Variants in VTA1 observed in about 807,000 individuals in gnomAD.
VTA1 encodes vesicle trafficking 1.
Under a neutral mutation model 36.9 loss-of-function variants are expected in VTA1, and 24 were observed. That is an observed-to-expected ratio of 0.65 (90% CI 0.47 to 0.91). The LOEUF (loss-of-function observed/expected upper bound fraction) is 0.91. VTA1 is among the 40% of genes least tolerant of loss of function. VTA1 has a pLI of 0.00. For missense variants in VTA1, 393 were observed against 377.2 expected (o/e 1.04, Z -0.35); for synonymous variants, 142 against 130.2 (o/e 1.09, Z -0.62).
intron 7 of VTA1, among the ~76,000 whole-genome samples, chr6:142,207,603 C>T (rs766527647): frequency 3.7e-4 from 56 of 151,924 alleles, no homozygotes; most frequent in Admixed American, 1.4e-3. Context: ...TATGGCGCCA[C>T]CTAGAGCTGA....
intron 7 of VTA1, among the ~76,000 whole-genome samples, chr6:142,209,386 A>G (rs554776964): frequency 2.5e-4 from 37 of 150,972 alleles, no homozygotes; most frequent in African/African-American, 8.5e-4. Flanking sequence ...TATATACACT[A>G]TGTGTATATA....
At chr6:142,187,362 AC>A (rs1775359527) in intron 4 of VTA1, among the ~76,000 whole-genome samples, 1 of 152,208 alleles carries the variant, frequency 6.6e-6, no homozygotes, top group Non-Finnish European at 1.5e-5. Flanking sequence ...GTAAGATGAT[AC>A]CTAAAAAGTG....
intron 2 of VTA1, among the ~76,000 whole-genome samples, chr6:142,167,183 G>A (rs1440063569): frequency 6.6e-6 from 1 of 152,146 alleles, no homozygotes; most frequent in East Asian, 1.9e-4. Flanking sequence ...CTAATATAAC[G>A]TCACAGATCA....
chr6:142,178,991 A>G (rs904761163), intron 4 of VTA1, among the ~76,000 whole-genome samples: 7 of 152,134 alleles, frequency 4.6e-5, no homozygotes, highest in African/African-American at 1.7e-4. Context: ...TACTAGAAAT[A>G]AAAGGGGCCA....
In VTA1 at chr6:142,221,336, C is replaced by G. The variant is rs1412370872; in HGVS notation, c.*2693C>G. On this transcript the variant is annotated 3_prime_UTR_variant, in exon 8 of 8. Transcript: ENST00000367630. ...ATTTCAATAGAATAGCCAGGATAGA[C>G]CTCCCTGAGGTAACATTTGAGCAAA... The G allele has an allele frequency of 6.6e-6, 1 of 152,036 alleles. No individual in the cohort carries two copies. The highest frequency in any genetic ancestry group is 1.9e-4 in the East Asian group (1 of 5,188). The allele number at this position is 152,036 out of a possible 1,614,324, so 9.4% of individuals were successfully genotyped here.
chr6:142,200,952 A>G (rs192855427), intron 6 of VTA1, among the ~76,000 whole-genome samples: 21 of 152,084 alleles, frequency 1.4e-4, no homozygotes, highest in African/African-American at 3.4e-4. Flanking sequence ...TTAACTTACA[A>G]ACTCTCAAGA....
Position 142,218,684 on chromosome 6 carries a change from A to C in VTA1, c.*41A>C, listed in dbSNP as rs375644010. On this transcript the variant is annotated 3_prime_UTR_variant, in exon 8 of 8. Transcript: ENST00000367630. ...GACCCATGTATTTTTGGCATGAGGAACTAACAGTCCATTACTCTATCTTCA... is the reference window on the plus strand; with the variant it reads ...GACCCATGTATTTTTGGCATGAGGACCTAACAGTCCATTACTCTATCTTCA... 4.2e-5 allele frequency: 66 copies of C among 1,577,426 alleles called. No homozygotes were observed. In the African/African-American group the frequency reaches 8.8e-4, roughly 21 times the overall value.
chr6:142,164,101 T>C (rs551155933), intron 1 of VTA1, among the ~76,000 whole-genome samples: 1 of 152,266 alleles, frequency 6.6e-6, no homozygotes, highest in South Asian at 2.1e-4. Context: ...CTGATCCTAC[T>C]TTCTGCTAGA....
chr6:142,181,042 G>T (rs1404309023), intron 4 of VTA1, among the ~76,000 whole-genome samples: 1 of 135,276 alleles, frequency 7.4e-6, no homozygotes. Context: ...AAGGGTAAGG[G>T]GACACCGTGT....
intron 4 of VTA1, among the ~76,000 whole-genome samples, chr6:142,188,097 C>T (rs1253748079): frequency 3.3e-5 from 5 of 150,048 alleles, no homozygotes; most frequent in African/African-American, 4.9e-5. Flanking sequence ...TTCATAGAGA[C>T]GGGGTTTCAC....
intron 6 of VTA1, 84 bp from the exon 7 acceptor site, chr6:142,203,901 G>A: frequency 9.5e-7 from 1 of 1,052,906 alleles, no homozygotes; most frequent in Non-Finnish European, 1.4e-6. Context: ...TAATGAAATT[G>A]CCTCATGATT....
At chr6:142,190,032 C>G (rs973188718) in intron 5 of VTA1, among the ~76,000 whole-genome samples, 2 of 152,162 alleles carry the variant, frequency 1.3e-5, no homozygotes, top group African/African-American at 4.8e-5. Context: ...GCTGGGATTA[C>G]AGGCGTGAGC....
At chr6:142,147,512 T>C in intron 1 of VTA1, 113 bp downstream of exon 1, 1 of 1,135,572 alleles carries the variant, frequency 8.8e-7, no homozygotes, top group Non-Finnish European at 1.3e-6. Flanking sequence ...AACCTGAGCT[T>C]TGACCTCGAG....
chr6:142,178,443 A>G (rs530477464), intron 4 of VTA1, among the ~76,000 whole-genome samples: 230 of 152,270 alleles, frequency 1.5e-3, no homozygotes, highest in Non-Finnish European at 2.4e-3. Flanking sequence ...TAAAGATCCA[A>G]AGAACTAAAG....
chr6:142,176,227 G>T (rs1775121918), intron 4 of VTA1, among the ~76,000 whole-genome samples: 1 of 152,052 alleles, frequency 6.6e-6, no homozygotes. Context: ...ATAATCTTTG[G>T]TTAAGATTAA....
chr6:142,181,094 A>AAAAAAAAAATATATATATATAT (rs1471429927), intron 4 of VTA1, among the ~76,000 whole-genome samples: 7 of 36,438 alleles, frequency 1.9e-4, no homozygotes, highest in Non-Finnish European at 4.1e-4. Flanking sequence ...AAAAAAAAAA[A>AAAAAAAAAATATATATATATAT]ATATATATAT....
At chr6:142,200,295 C>T (rs890864173) in intron 6 of VTA1, among the ~76,000 whole-genome samples, 1 of 152,016 alleles carries the variant, frequency 6.6e-6, no homozygotes, top group Non-Finnish European at 1.5e-5. Flanking sequence ...CCTCCTTTCC[C>T]TCTTTTTTTC....
intron 7 of VTA1, among the ~76,000 whole-genome samples, chr6:142,209,762 TA>T (rs1463074185): frequency 6.6e-6 from 1 of 151,752 alleles, no homozygotes; most frequent in African/African-American, 2.4e-5. Context: ...AGTAGACACA[TA>T]AAAAATGGAA....
chr6:142,218,503 G>A lies in VTA1; in HGVS notation c.784G>A (p.Val262Ile). 6.2e-7 allele frequency: 1 copy of A among 1,612,674 alleles called. No individual in the cohort carries two copies. Among genetic ancestry groups the A allele is most frequent in the Middle Eastern group, 1.7e-4 (1 of 5,872 alleles). ...ALFNTISQGD[V>I]RLTPEDFARA... ...AATTGTTCTTTTTCTTCTAGGGGAT[G>A]TTCGTCTAACCCCAGAAGACTTTGC... Residue 262 changes from valine to isoleucine, a missense_variant, in exon 8 of 8, where the codon GTT becomes ATT. By Grantham distance (29) the Val-to-Ile change is conservative (BLOSUM62 3). Transcript: ENST00000367630.
Sources: allele counts gnomAD v4.1 joint callset (sites outside exome capture counted in the v4.1 genomes callset), GRCh38; gene constraint gnomAD v4.1.1; transcripts MANE v1.5; gene names NCBI Gene and HGNC (gene_info 2026-07-23, HGNC 2026-07-21).